The following TENM4 variants were observed in gnomAD, a reference collection of about 807,000 sequenced individuals.
TENM4 encodes the protein teneurin transmembrane protein 4.
Under a neutral mutation model 243.3 loss-of-function variants are expected in TENM4, and 82 were observed. The observed-to-expected ratio is 0.34, with a 90% CI of 0.28 to 0.40. The LOEUF is 0.40. TENM4 is among the 10% of genes least tolerant of loss of function. The pLI is 1.00. For missense variants in TENM4, 3,138 were observed against 3,673.3 expected, an observed-to-expected ratio of 0.85 and a Z score of 3.77; for synonymous variants, 1,412 against 1,456.3, an observed-to-expected ratio of 0.97 and a Z score of 0.69.
chr11:79,435,544 C>G (rs1382312731), intron 1 of TENM4, among the ~76,000 whole-genome samples: 1 of 152,222 alleles, frequency 6.6e-6, no homozygotes, highest in Non-Finnish European at 1.5e-5. Flanking sequence ...GGAATCAAAT[C>G]TGCAAGGAGG....
intron 6 of TENM4, among the ~76,000 whole-genome samples, chr11:79,008,756 T>C (rs1858559872): frequency 6.6e-6 from 1 of 152,192 alleles, no homozygotes. Context: ...TCGAATGAGA[T>C]CCTTGGAATA....
intron 2 of TENM4, among the ~76,000 whole-genome samples, chr11:79,295,142 C>T (rs573186550): frequency 7.9e-5 from 12 of 152,304 alleles, no homozygotes; most frequent in South Asian, 2.1e-4. Context: ...GGAACAAAAA[C>T]GCACAAACCC....
intron 12 of TENM4, among the ~76,000 whole-genome samples, chr11:78,818,328 A>G (rs1227195237): frequency 1.3e-5 from 2 of 152,232 alleles, no homozygotes; most frequent in Non-Finnish European, 2.9e-5. Flanking sequence ...CCTGTTTATC[A>G]TCTGCCGAAA....
chr11:79,157,361 G>T (rs137993129), intron 3 of TENM4, among the ~76,000 whole-genome samples: 1 of 152,114 alleles, frequency 6.6e-6, no homozygotes, highest in Non-Finnish European at 1.5e-5. Context: ...GTGCTGCAAC[G>T]TGGAGTAAAT....
rs565312296 is a variant in TENM4, at chr11:79,363,262, T to C, written c.-320-65719A>G. Among the ~76,000 whole-genome samples, 11 of 152,354 alleles carry C rather than the reference T, an allele frequency of 7.2e-5. No homozygotes were observed. The East Asian group carries it at 1.9e-3, about 27-fold the overall frequency. On this transcript the variant is annotated intron_variant, in intron 1 of 33. Coordinates refer to ENST00000278550, the MANE Select transcript of TENM4 (RefSeq NM_001098816.3). ...GCGGCAGCTGCCCCTTTTAGGGCAA[T>C]TGCTGTGTGTTCTCCATTCCCATCC...
intron 4 of TENM4, among the ~76,000 whole-genome samples, chr11:79,107,620 T>C (rs1861405352): frequency 6.6e-6 from 1 of 152,174 alleles, no homozygotes. Context: ...CTAAAAAAGA[T>C]AATGACTTTC....
At chr11:78,907,734 G>T (rs1207071368) in intron 6 of TENM4, among the ~76,000 whole-genome samples, 1 of 152,200 alleles carries the variant, frequency 6.6e-6, no homozygotes, top group Non-Finnish European at 1.5e-5. Flanking sequence ...GTCGGGGAAA[G>T]AACAACAACT....
intron 1 of TENM4, among the ~76,000 whole-genome samples, chr11:79,407,980 T>C (rs1025810268): frequency 1.3e-5 from 2 of 152,008 alleles, no homozygotes; most frequent in Non-Finnish European, 2.9e-5. Flanking sequence ...CTTGGCTCAC[T>C]GCAACTTCTG....
chr11:78,863,062 G>A lies in TENM4; in HGVS notation c.1155C>T (p.Asp385=). Residue 385 remains aspartate (D), a synonymous_variant, in exon 10 of 34, where the codon GAC becomes GAT. Coordinates refer to ENST00000278550, the MANE Select transcript of TENM4 (RefSeq NM_001098816.3). ...TTGGCACAGGCCAACTGCTGGCTGT[G>A]TCCTCCGTGATCTCATACATCTGCC... is the stretch of plus-strand genomic sequence containing the variant. The part of the protein sequence containing the change: ...MEGQMYEITE[D]TASSWPVPTD... 1 of 1,538,008 alleles carries A rather than the reference G, an allele frequency of 6.5e-7. No individual in the cohort carries two copies. The highest frequency in any genetic ancestry group is 1.2e-5 in the South Asian group (1 of 82,632).
At chr11:79,439,212 A>G (rs1859344324) in intron 1 of TENM4, 2 of 148,676 alleles carry the variant, frequency 1.3e-5, no homozygotes, top group Admixed American at 1.3e-4. Context: ...GTGTGCTACA[A>G]ACACCAAGCC....
At chr11:79,288,170 G>C (rs1219898349) in intron 2 of TENM4, among the ~76,000 whole-genome samples, 1 of 152,188 alleles carries the variant, frequency 6.6e-6, no homozygotes. Flanking sequence ...TGGCCAGCTG[G>C]ACTGGCCACA....
intron 12 of TENM4, among the ~76,000 whole-genome samples, chr11:78,840,232 G>A (rs1050175157): frequency 6.6e-6 from 1 of 152,118 alleles, no homozygotes; most frequent in Non-Finnish European, 1.5e-5. Flanking sequence ...CATCACGTTA[G>A]CCTTCTGCTT....
At chr11:78,875,888 T>C (rs1859258774) in intron 9 of TENM4, among the ~76,000 whole-genome samples, 1 of 152,206 alleles carries the variant, frequency 6.6e-6, no homozygotes, top group Non-Finnish European at 1.5e-5. Flanking sequence ...TGTGTGCTGT[T>C]ACATCAGCTT....
chr11:78,935,700 T>A (rs1256874051), intron 6 of TENM4, among the ~76,000 whole-genome samples: 3 of 152,206 alleles, frequency 2.0e-5, no homozygotes, highest in African/African-American at 7.2e-5. Flanking sequence ...AGTGCTGTGT[T>A]ATAATGCTGA....
rs143211349 is a variant in TENM4 at position 78,976,679 on chromosome 11, C to CT, written c.494-73157dup. ...AAATCTTGAAAATCGAGGAAGGCAG[C>CT]TGGGGGAGAGTGGACATGTAGAGAA... On this transcript the variant is annotated intron_variant, in intron 6 of 33. Coordinates refer to ENST00000278550, the MANE Select transcript of TENM4 (RefSeq NM_001098816.3). 8.1e-3 allele frequency among the ~76,000 whole-genome samples: 1,228 copies of CT among 152,288 alleles called. 13 individuals carry two copies. The highest frequency in any genetic ancestry group is 0.027 in the African/African-American group (1,129 of 41,532).
chr11:78,960,453 G>A lies in TENM4; in HGVS notation c.494-56930C>T, dbSNP rs372730557. ...TCATTTGGTGGGGGAACTCAAGCCAGTTCTCAGAAGAGCTCAGGTGACTTT... is the reference window on the plus strand; with the variant it reads ...TCATTTGGTGGGGGAACTCAAGCCAATTCTCAGAAGAGCTCAGGTGACTTT... On this transcript the variant is annotated intron_variant, in intron 6 of 33. Coordinates refer to ENST00000278550, the MANE Select transcript of TENM4 (RefSeq NM_001098816.3). Among the ~76,000 whole-genome samples, 8 of 152,176 alleles carry A rather than the reference G, an allele frequency of 5.3e-5. No individual in the cohort carries two copies. The East Asian group carries it at 1.5e-3, about 29-fold the overall frequency.
intron 31 of TENM4, among the ~76,000 whole-genome samples, chr11:78,670,958 G>A (rs983002400): frequency 4.6e-5 from 7 of 152,216 alleles, no homozygotes; most frequent in African/African-American, 1.7e-4. Context: ...CCTGAAGTAT[G>A]TACAGCAGTC....
chr11:79,177,135 C>T (rs1045421276), intron 3 of TENM4, among the ~76,000 whole-genome samples: 3 of 139,118 alleles, frequency 2.2e-5, no homozygotes, highest in African/African-American at 6.2e-5. Flanking sequence ...TTGTTTAAAC[C>T]TTTTTTTTTT....
chr11:79,290,894 G>A, intron 2 of TENM4, among the ~76,000 whole-genome samples: 1 of 152,190 alleles, frequency 6.6e-6, no homozygotes, highest in East Asian at 1.9e-4. Context: ...AGAAAAGCTG[G>A]CACATCCTGC....
Sources: allele counts gnomAD v4.1 joint callset (sites outside exome capture counted in the v4.1 genomes callset), GRCh38; gene constraint gnomAD v4.1.1; transcripts MANE v1.5; gene names NCBI Gene and HGNC (gene_info 2026-07-23, HGNC 2026-07-21).